TMEM176A: variants seen among roughly 807,000 people sequenced by gnomAD.
The protein encoded by TMEM176A is transmembrane protein 176A.
Under a neutral mutation model 27.9 loss-of-function variants are expected in TMEM176A, and 20 were observed. The observed-to-expected ratio is 0.72, with a 90% CI of 0.50 to 1.04. The LOEUF (loss-of-function observed/expected upper bound fraction) is 1.04, where lower values mean the gene tolerates loss of function less well. TMEM176A is among the 50% of genes least tolerant of loss of function. The pLI is 0.00. For synonymous variants in TMEM176A, 125 were observed against 118.0 expected (o/e 1.06, Z -0.38); for missense variants, 252 against 289.1 (o/e 0.87, Z 0.93).
In TMEM176A at chr7:150,802,591, T is replaced by A. The variant is rs1798836152; in HGVS notation, c.285+266T>A. 1.9e-5 allele frequency: 15 copies of A among 805,432 alleles called. No homozygotes were observed. The South Asian group carries it at 3.7e-4, about 20-fold the overall frequency. 49.9% of individuals were successfully genotyped at this position (805,432 alleles called of 1,614,324 possible). ...CCTGCCTTCAACAGTTAATGTCAAC[T>A]AAGGATCTAAGGACCTGCTCATCTC... On this transcript the variant is annotated intron_variant, in intron 3 of 6. Transcript: ENST00000004103.
At chr7:150,803,185 G>C in intron 3 of TMEM176A, 3 of 1,288,676 alleles carry the variant, frequency 2.3e-6, no homozygotes, top group Non-Finnish European at 2.9e-6. Context: ...TTGACCACAA[G>C]CTCTTAGGTG....
chr7:150,804,925 T>C lies in TMEM176A; in HGVS notation c.*57T>C. The C allele has an allele frequency of 2.5e-6, 4 of 1,576,494 alleles. No individual in the cohort carries two copies. Among genetic ancestry groups the C allele is most frequent in the Non-Finnish European group, 3.5e-6 (4 of 1,145,668 alleles). ...CTTCTGCACCGGGCGTCCCTGCATC[T>C]GACTGCTGGAAGAAGAACCAGACTG... On this transcript the variant is annotated 3_prime_UTR_variant, in exon 7 of 7. Transcript: ENST00000004103.
intron 2 of TMEM176A, 21 bp downstream of exon 2, chr7:150,801,745 C>T (rs750276866): frequency 8.1e-6 from 12 of 1,481,268 alleles, no homozygotes; most frequent in South Asian, 1.4e-5. Flanking sequence ...CGGCCTGCCT[C>T]GTCGGGCGGC....
chr7:150,802,873 G>A lies in TMEM176A; in HGVS notation c.286-527G>A, dbSNP rs1237063699. ...AGCCGAGAGTAATTACCTTCACCCA[G>A]CCTGTGGCAAAATACCCAGCTTAAT... On this transcript the variant is annotated intron_variant, in intron 3 of 6. Coordinates refer to ENST00000004103, the MANE Select transcript of TMEM176A (RefSeq NM_018487.3). 5.1e-6 allele frequency: 5 copies of A among 987,956 alleles called. No homozygotes were observed. The East Asian group carries it at 4.5e-4, about 89-fold the overall frequency. 61.2% of individuals were successfully genotyped at this position (987,956 alleles called of 1,614,324 possible). A position where few individuals can be genotyped will look rare whatever the true frequency, so the allele number is the denominator to read the frequency against.
At chr7:150,803,945 G>A in intron 5 of TMEM176A, 113 bp downstream of exon 5, 1 of 986,574 alleles carries the variant, frequency 1.0e-6, no homozygotes, top group South Asian at 1.6e-5. Flanking sequence ...TCTGCACCAA[G>A]CTTGCGTATT....
Position 150,801,530 on chromosome 7 carries a change from T to G in TMEM176A, c.-15-6T>G, listed in dbSNP as rs1416807588. The G allele has an allele frequency of 6.3e-7, 1 of 1,581,034 alleles. No individual in the cohort carries two copies. Among genetic ancestry groups the G allele is most frequent in the South Asian group, 1.2e-5 (1 of 84,794 alleles). Reference sequence around the variant, plus strand: ...CCGTTCCTCTCTGGTGCTCCCTTCCTCATAGACTGTGTCCCTGACAATGGG... The same window carrying G: ...CCGTTCCTCTCTGGTGCTCCCTTCCGCATAGACTGTGTCCCTGACAATGGG... On this transcript the variant is annotated splice_region_variant and splice_polypyrimidine_tract_variant and intron_variant, in intron 1 of 6. Transcript: ENST00000004103.
intron 5 of TMEM176A, 46 bp from the exon 6 acceptor site, chr7:150,804,316 G>A: frequency 6.8e-7 from 1 of 1,465,882 alleles, no homozygotes; most frequent in Non-Finnish European, 9.6e-7. Flanking sequence ...AGAGCAGGAA[G>A]GCAGCTGTCA....
chr7:150,804,026 C>G (rs765835946), intron 5 of TMEM176A, among the ~76,000 whole-genome samples, 194 bp downstream of exon 5: 9 of 152,204 alleles, frequency 5.9e-5, no homozygotes, highest in Non-Finnish European at 7.3e-5. Flanking sequence ...GTGGGAAATA[C>G]AAGCATTAAA....
intron 6 of TMEM176A, 145 bp from the exon 7 acceptor site, chr7:150,804,682 C>T (rs977863554): frequency 5.2e-6 from 5 of 964,012 alleles, no homozygotes; most frequent in Non-Finnish European, 6.5e-6. Context: ...GCCCAGGAAT[C>T]CAGGGAAGTC....
Position 150,801,589 on chromosome 7 carries a change from C to G in TMEM176A, c.39C>G (p.Ala13=), listed in dbSNP as rs775841363. 2 of 1,612,524 alleles carry G rather than the reference C, an allele frequency of 1.2e-6. No individual in the cohort carries two copies. Among genetic ancestry groups the G allele is most frequent in the Non-Finnish European group, 1.7e-6 (2 of 1,179,566 alleles). The change falls in exon 2 of 7, where the codon GCC becomes GCG. Residue 13 remains alanine, a synonymous_variant. Transcript: ENST00000004103. ...ACAGTGATGAGATGGCCCCGGAGGC[C>G]CCACAGCACACCCACATCGATGTGC... The part of the protein sequence containing the change: ...TADSDEMAPE[A]PQHTHIDVHI...
At chr7:150,802,813 A>G in intron 3 of TMEM176A, 2 of 991,268 alleles carry the variant, frequency 2.0e-6, no homozygotes, top group Non-Finnish European at 2.4e-6. Context: ...CTACACTCTC[A>G]GAATAGCACT....
intron 5 of TMEM176A, 60 bp downstream of exon 5, chr7:150,803,892 G>C: frequency 6.5e-7 from 1 of 1,530,094 alleles, no homozygotes; most frequent in Non-Finnish European, 9.0e-7. Flanking sequence ...GGCCAGGCCA[G>C]GGGCAAGAGT....
At chr7:150,802,686 C>A (rs1447981985) in intron 3 of TMEM176A, 15 of 1,067,866 alleles carry the variant, frequency 1.4e-5, no homozygotes, top group African/African-American at 1.7e-5. Context: ...GAAGCATCAC[C>A]CCCTGGTTAT....
intron 6 of TMEM176A, 62 bp from the exon 7 acceptor site, chr7:150,804,765 G>A (rs948932462): frequency 5.1e-6 from 8 of 1,569,026 alleles, no homozygotes; most frequent in Non-Finnish European, 7.0e-6. Context: ...AGCTGCCCCT[G>A]GAGGAGAGAC....
intron 6 of TMEM176A, 170 bp downstream of exon 6, chr7:150,804,642 TC>T: frequency 1.2e-6 from 1 of 857,796 alleles, no homozygotes; most frequent in Non-Finnish European, 1.8e-6. Context: ...AAAGCCCCTA[TC>T]CCCAACCAAG....
At chr7:150,803,942 C>A in intron 5 of TMEM176A, 110 bp downstream of exon 5, 1 of 1,004,744 alleles carries the variant, frequency 1.0e-6, no homozygotes, top group Non-Finnish European at 1.5e-6. Context: ...TATTCTGCAC[C>A]AAGCTTGCGT....
intron 3 of TMEM176A, chr7:150,803,003 A>G: frequency 1.0e-6 from 1 of 993,758 alleles, no homozygotes; most frequent in Non-Finnish European, 1.2e-6. Context: ...CTGTTAGGAC[A>G]GGCTTCTAGA....
intron 2 of TMEM176A, 134 bp from the exon 3 acceptor site, chr7:150,802,081 C>A: frequency 1.6e-6 from 1 of 640,330 alleles, no homozygotes; most frequent in Non-Finnish European, 2.7e-6. Flanking sequence ...CTCCTTTTCT[C>A]TTCTCTTCTC....
chr7:150,803,876 TGGCCA>T (rs758729235), intron 5 of TMEM176A, 44 bp downstream of exon 5: 7 of 1,594,148 alleles, frequency 4.4e-6, no homozygotes, highest in African/African-American at 1.3e-5. Flanking sequence ...GGGGCAGGGA[TGGCCA>T]GGCCAGGCCA....
Sources: allele counts gnomAD v4.1 joint callset (sites outside exome capture counted in the v4.1 genomes callset), GRCh38; gene constraint gnomAD v4.1.1; transcripts MANE v1.5; gene names NCBI Gene and HGNC (gene_info 2026-07-23, HGNC 2026-07-21).